The following FAM107B variants were observed in gnomAD, a reference collection of about 807,000 sequenced individuals.
FAM107B encodes family with sequence similarity 107 member B.
A neutral mutation model predicts 31.5 loss-of-function variants in FAM107B; 21 were observed. The observed-to-expected ratio is 0.67, with a 90% CI of 0.47 to 0.96. FAM107B has a LOEUF of 0.96. Ranked by LOEUF, FAM107B falls within the 40% of genes least tolerant of loss-of-function variation. The pLI is 0.00. For synonymous variants in FAM107B, 157 were observed against 141.5 expected, an observed-to-expected ratio of 1.11 and a Z score of -0.78; for missense variants, 452 against 377.1, an observed-to-expected ratio of 1.20 and a Z score of -1.64.
chr10:14,611,346 A>G (rs566283889), intron 2 of FAM107B, among the ~76,000 whole-genome samples: 1 of 152,186 alleles, frequency 6.6e-6, no homozygotes, highest in East Asian at 1.9e-4. Flanking sequence ...ACAAATGGCC[A>G]AATTTCTGTG....
intron 1 of FAM107B, among the ~76,000 whole-genome samples, chr10:14,754,519 C>G (rs1006152320): frequency 1.3e-5 from 2 of 152,190 alleles, no homozygotes; most frequent in African/African-American, 4.8e-5. Context: ...TCTCTCTCTT[C>G]CAGCTGAACG....
rs200526867 is a variant in FAM107B, at chr10:14,521,312, T to C, written c.805-6A>G. ...TTCTGCTTCTCAAGTTCAAGCTAAA[T>C]GACATTCAGAAAAGGAAAAATTATT... On this transcript the variant is annotated splice_polypyrimidine_tract_variant and splice_region_variant and intron_variant, in intron 4 of 4. Coordinates refer to ENST00000181796, the MANE Select transcript of FAM107B (RefSeq NM_031453.4). The C allele has an allele frequency of 1.5e-4, 245 of 1,611,738 alleles. No homozygotes were observed. Among genetic ancestry groups the C allele is most frequent in the Non-Finnish European group, 1.8e-4 (215 of 1,178,546 alleles).
chr10:14,568,601 G>A (rs1037297949), intron 2 of FAM107B, among the ~76,000 whole-genome samples: 6 of 150,810 alleles, frequency 4.0e-5, no homozygotes, highest in Non-Finnish European at 7.4e-5. Context: ...AGACCAGGAG[G>A]TGAAGATACT....
chr10:14,772,389 C>G lies in FAM107B; in HGVS notation c.411+1864G>C, dbSNP rs1833327083. ...TATATATATATATATATGCACCTCA[C>G]TGTCACCAGGGTTGGCTGAGATACT... On this transcript the variant is annotated intron_variant, in intron 1 of 4. Transcript: ENST00000181796. Among the ~76,000 whole-genome samples the G allele has an allele frequency of 2.0e-5, 3 of 149,320 alleles. No individual in the cohort carries two copies. The East Asian group carries it at 5.8e-4, about 29-fold the overall frequency.
chr10:14,736,230 C>A (rs927971968), intron 1 of FAM107B, among the ~76,000 whole-genome samples: 8 of 152,170 alleles, frequency 5.3e-5, no homozygotes, highest in Non-Finnish European at 1.2e-4. Flanking sequence ...TTTCAAGACA[C>A]AAGTCCATAG....
intron 2 of FAM107B, among the ~76,000 whole-genome samples, chr10:14,577,990 G>A (rs12777939): frequency 0.11 from 16,555 of 152,128 alleles, 933 homozygotes; most frequent in East Asian, 0.18. Flanking sequence ...GTTCTTCCCA[G>A]TGGAACTTAG....
At chr10:14,604,794 T>A (rs561123411) in intron 2 of FAM107B, among the ~76,000 whole-genome samples, 1 of 152,138 alleles carries the variant, frequency 6.6e-6, no homozygotes, top group Non-Finnish European at 1.5e-5. Context: ...TCTCTTCTTT[T>A]ATCTCTTTCT....
chr10:14,606,740 TC>T (rs1170266321), intron 2 of FAM107B, among the ~76,000 whole-genome samples: 5 of 152,144 alleles, frequency 3.3e-5, no homozygotes, highest in African/African-American at 1.2e-4. Flanking sequence ...ACTCTCTCTT[TC>T]TCTGCCCAAA....
intron 3 of FAM107B, among the ~76,000 whole-genome samples, chr10:14,524,231 C>A (rs144053281): frequency 1.3e-5 from 2 of 151,892 alleles, no homozygotes; most frequent in African/African-American, 2.4e-5. Flanking sequence ...TTAGTAGAGA[C>A]GGGGTTTCAC....
intron 1 of FAM107B, among the ~76,000 whole-genome samples, chr10:14,730,719 C>A (rs78916717): frequency 0.046 from 6,964 of 152,208 alleles, 224 homozygotes; most frequent in South Asian, 0.078. Flanking sequence ...CTGCAGTAGA[C>A]CAGGCGAGAA....
chr10:14,583,829 G>A (rs551155982), intron 2 of FAM107B, among the ~76,000 whole-genome samples: 4 of 152,242 alleles, frequency 2.6e-5, no homozygotes, highest in East Asian at 3.9e-4. Flanking sequence ...CCTGTTGAGC[G>A]CTCTCCTAGA....
chr10:14,759,218 A>T (rs1242956292), intron 1 of FAM107B, among the ~76,000 whole-genome samples: 2 of 151,950 alleles, frequency 1.3e-5, no homozygotes, highest in East Asian at 3.9e-4. Flanking sequence ...ATAAATAAAT[A>T]AATAAAAAGC....
At chr10:14,618,241 T>A (rs77545330) in intron 2 of FAM107B, among the ~76,000 whole-genome samples, 16,709 of 152,262 alleles carry the variant, frequency 0.11, 1,213 homozygotes, top group Admixed American at 0.26. Context: ...TATCAGTAAT[T>A]CGTTCTTTTT....
chr10:14,572,736 A>ATATATATATATATATAT (rs1455058375), intron 2 of FAM107B, among the ~76,000 whole-genome samples: 4 of 86,468 alleles, frequency 4.6e-5, no homozygotes, highest in African/African-American at 1.2e-4. Flanking sequence ...AAAAAAAAAA[A>ATATATATATATATATAT]ATTTATATAT....
At chr10:14,706,607 A>T (rs55643809) in intron 1 of FAM107B, among the ~76,000 whole-genome samples, 1 of 152,152 alleles carries the variant, frequency 6.6e-6, no homozygotes, top group Non-Finnish European at 1.5e-5. Flanking sequence ...TTATAAATAT[A>T]TATAGCTTTT....
intron 2 of FAM107B, among the ~76,000 whole-genome samples, chr10:14,662,568 G>A (rs554440658): frequency 7.6e-4 from 116 of 152,094 alleles, no homozygotes; most frequent in African/African-American, 2.4e-3. Flanking sequence ...TGTAGAGACT[G>A]GGTCTCACCA....
At chr10:14,528,061 A>G in intron 3 of FAM107B, 1 of 389,576 alleles carries the variant, frequency 2.6e-6, no homozygotes, top group South Asian at 1.9e-5. Context: ...AGGGAGAAAA[A>G]GCAATAGGAA....
chr10:14,624,396 G>A (rs1163385311), intron 2 of FAM107B, among the ~76,000 whole-genome samples: 1 of 152,150 alleles, frequency 6.6e-6, no homozygotes, highest in Non-Finnish European at 1.5e-5. Flanking sequence ...AGCACTTCTG[G>A]GAGGCTGAGG....
intron 1 of FAM107B, among the ~76,000 whole-genome samples, chr10:14,763,400 T>C (rs1252486009): frequency 6.6e-6 from 1 of 152,228 alleles, no homozygotes; most frequent in East Asian, 1.9e-4. Context: ...CATTCTCTAT[T>C]GCAACGTATC....
Sources: gnomAD v4.1 joint callset for allele counts (sites outside exome capture counted in the v4.1 genomes callset) on GRCh38, gnomAD v4.1.1 for gene constraint, MANE v1.5 for transcripts, NCBI Gene and HGNC (gene_info 2026-07-23, HGNC 2026-07-21) for gene names.